The following DNAH6 variants were observed in gnomAD, a reference collection of about 807,000 sequenced individuals.
The protein encoded by DNAH6 is dynein axonemal heavy chain 6.
Under a neutral mutation model 491.4 loss-of-function variants are expected in DNAH6, and 340 were observed. The ratio of observed to expected loss-of-function variants is 0.69; its 90% CI spans 0.63 to 0.76. DNAH6 has a LOEUF of 0.76. Ranked by LOEUF, DNAH6 falls within the 30% of genes least tolerant of loss-of-function variation. DNAH6 has a pLI of 0.00. For missense variants in DNAH6, 4,443 were observed against 4,972.2 expected (o/e 0.89, Z 3.20); for synonymous variants, 1,603 against 1,686.1 (o/e 0.95, Z 1.21).
intron 64 of DNAH6, among the ~76,000 whole-genome samples, chr2:84,765,231 T>C (rs1284489789): frequency 6.6e-6 from 1 of 152,000 alleles, no homozygotes; most frequent in East Asian, 1.9e-4. Flanking sequence ...GAAGTGACCT[T>C]GGGAGTGGAG....
intron 11 of DNAH6, among the ~76,000 whole-genome samples, chr2:84,559,712 C>T (rs1424155565): frequency 6.6e-6 from 1 of 152,068 alleles, no homozygotes; most frequent in East Asian, 1.9e-4. Context: ...AAATTAACTA[C>T]ATGCAAGTCT....
chr2:84,765,110 T>G lies in DNAH6; in HGVS notation c.10703+2165T>G, dbSNP rs567213216. Among the ~76,000 whole-genome samples the G allele has an allele frequency of 2.0e-5, 3 of 152,212 alleles. No individual in the cohort carries two copies. The East Asian group carries it at 5.8e-4, about 29-fold the overall frequency. On this transcript the variant is annotated intron_variant, in intron 64 of 76. Transcript: ENST00000389394. ...GAACTTAAATATTCAAGAAGTAGAA[T>G]AAAATATGTAAAATTATTAAACAAG...
At chr2:84,516,948 G>A (rs11897463) in intron 1 of DNAH6, among the ~76,000 whole-genome samples, 13,973 of 152,180 alleles carry the variant, frequency 0.092, 1,612 homozygotes, top group African/African-American at 0.28. Context: ...TTTATACTGT[G>A]TGTTCAAATG....
rs1293663110 is a variant in DNAH6 at position 84,688,602 on chromosome 2, C to A, written c.7292+9C>A. 6.6e-7 allele frequency: 1 copy of A among 1,516,518 alleles called. No homozygotes were observed. 93.9% of individuals were successfully genotyped at this position (1,516,518 alleles called of 1,614,324 possible). A position where few individuals can be genotyped will look rare whatever the true frequency, so the allele number is the denominator to read the frequency against. On this transcript the variant is annotated intron_variant, in intron 45 of 76. Transcript: ENST00000389394. ...ATAGAACATGTTTCAAGGTATAGTGCTATAAGGCGCCCAATAATGCATTGA... is the reference window on the plus strand; with the variant it reads ...ATAGAACATGTTTCAAGGTATAGTGATATAAGGCGCCCAATAATGCATTGA...
intron 49 of DNAH6, among the ~76,000 whole-genome samples, chr2:84,701,829 G>C (rs1022909961): frequency 1.3e-5 from 2 of 152,176 alleles, no homozygotes; most frequent in Admixed American, 1.3e-4. Context: ...CATGAGATTT[G>C]GGTGGGGACA....
intron 72 of DNAH6, 73 bp from the exon 73 acceptor site, chr2:84,812,268 G>C: frequency 7.1e-7 from 1 of 1,400,686 alleles, no homozygotes; most frequent in Non-Finnish European, 9.7e-7. Context: ...AGCCCCTGCT[G>C]TCATTAATGT....
At chr2:84,719,022 G>A (rs754683097) in intron 59 of DNAH6, among the ~76,000 whole-genome samples, 17 of 152,126 alleles carry the variant, frequency 1.1e-4, no homozygotes, top group Non-Finnish European at 2.1e-4. Flanking sequence ...CATTTAAGGA[G>A]TGCATACTAA....
At chr2:84,747,044 T>G (rs58779878) in intron 63 of DNAH6, among the ~76,000 whole-genome samples, 37,680 of 151,838 alleles carry the variant, frequency 0.25, 5,197 homozygotes, top group African/African-American at 0.4. Flanking sequence ...CTCCCACTAA[T>G]CCCTACTTTC....
chr2:84,702,578 T>A (rs1333753416), intron 49 of DNAH6, among the ~76,000 whole-genome samples: 2 of 149,898 alleles, frequency 1.3e-5, no homozygotes, highest in African/African-American at 4.9e-5. Flanking sequence ...AGTCTCGCTC[T>A]GTCACCCAGG....
chr2:84,685,309 C>G lies in DNAH6; in HGVS notation c.6917-17C>G, dbSNP rs1558907309. On this transcript the variant is annotated splice_polypyrimidine_tract_variant and intron_variant, in intron 42 of 76. Coordinates refer to ENST00000389394, the MANE Select transcript of DNAH6 (RefSeq NM_001370.2). ...TGTAGAATTTTTCTTTTTTTTTTTC[C>G]TTTTCTTAAAAAACAGGTATCCTCC... is the stretch of plus-strand genomic sequence containing the variant. 1 of 1,396,262 alleles carries G rather than the reference C, an allele frequency of 7.2e-7. No individual in the cohort carries two copies. Among genetic ancestry groups the G allele is most frequent in the Non-Finnish European group, 9.4e-7 (1 of 1,059,060 alleles). 86.5% of individuals were successfully genotyped at this position (1,396,262 alleles called of 1,614,324 possible).
chr2:84,695,800 T>C (rs1695326703), intron 46 of DNAH6, among the ~76,000 whole-genome samples: 1 of 152,062 alleles, frequency 6.6e-6, no homozygotes, highest in Non-Finnish European at 1.5e-5. Context: ...CTGATAGTGC[T>C]TTTAACATTG....
At chr2:84,794,056 G>A (rs1278522852) in intron 68 of DNAH6, among the ~76,000 whole-genome samples, 1 of 152,068 alleles carries the variant, frequency 6.6e-6, no homozygotes, top group Non-Finnish European at 1.5e-5. Flanking sequence ...TGACAAACCT[G>A]AGAAAAACAA....
At chr2:84,545,040 C>T (rs1259844067) in intron 5 of DNAH6, among the ~76,000 whole-genome samples, 1 of 152,106 alleles carries the variant, frequency 6.6e-6, no homozygotes, top group Non-Finnish European at 1.5e-5. Flanking sequence ...TTTATAATTT[C>T]TATCTATTGA....
chr2:84,586,520 A>G lies in DNAH6; in HGVS notation c.2481+2270A>G, dbSNP rs73945141. On this transcript the variant is annotated intron_variant, in intron 15 of 76. Transcript: ENST00000389394. Reference sequence around the variant, plus strand: ...TTGTGGATGTAGTTTATTCATGTTTATTGCTATGTAGTGTTTTATTGTATT... The same window carrying G: ...TTGTGGATGTAGTTTATTCATGTTTGTTGCTATGTAGTGTTTTATTGTATT... Among the ~76,000 whole-genome samples, 1,108 of 152,204 alleles carry G rather than the reference A, an allele frequency of 7.3e-3. 15 individuals carry two copies. The highest frequency in any genetic ancestry group is 0.026 in the African/African-American group (1,079 of 41,528).
At position 84,669,319 on chromosome 2, in the gene DNAH6, C is replaced by T; in HGVS notation, c.6115C>T (p.His2039Tyr). The change falls in exon 38 of 77, where the codon CAT (histidine) becomes TAT (tyrosine). Residue 2039 changes from histidine to tyrosine, a missense_variant. This residue lies in a region of DNAH6 where 2,977 missense variants were observed against 3,296.6 expected (regional missense o/e 0.90). Coordinates refer to ENST00000389394, the MANE Select transcript of DNAH6 (RefSeq NM_001370.2). ...CAATTCTGGTGATCTGTGGAGCATT[C>T]ATATGGACTTTGACACCAAACGGCT... Reference protein sequence around the residue: ...LPNSGDLWSIHMDFDTKRLDP... With the variant: ...LPNSGDLWSIYMDFDTKRLDP... The T allele has an allele frequency of 6.5e-7, 1 of 1,550,050 alleles. No homozygotes were observed. The highest frequency in any genetic ancestry group is 8.7e-7 in the Non-Finnish European group (1 of 1,145,536).
intron 31 of DNAH6, among the ~76,000 whole-genome samples, chr2:84,638,361 A>G (rs1191747664): frequency 6.6e-6 from 1 of 152,088 alleles, no homozygotes; most frequent in Non-Finnish European, 1.5e-5. Context: ...TAATTTATAC[A>G]CAATAAAGAG....
rs181967101 is a variant in DNAH6, at chr2:84,590,450, G to A, written c.2610+1496G>A. 8.7e-4 allele frequency among the ~76,000 whole-genome samples: 127 copies of A among 145,950 alleles called. 1 individual carries two copies. Among genetic ancestry groups the A allele is most frequent in the African/African-American group, 2.6e-3 (105 of 39,880 alleles). ...GTGGAGGTTGCAGTGAGCCGAGATC[G>A]TGCCACCGCACTCCAGCCTGGGTGA... is the stretch of plus-strand genomic sequence containing the variant. On this transcript the variant is annotated intron_variant, in intron 16 of 76. Transcript: ENST00000389394.
intron 17 of DNAH6, 40 bp downstream of exon 17, chr2:84,594,125 A>G (rs1684357033): frequency 9.3e-6 from 10 of 1,074,694 alleles, no homozygotes; most frequent in South Asian, 1.5e-5. Context: ...TTATTTTTGT[A>G]TGAATTAATC....
At chr2:84,705,815 T>C in intron 52 of DNAH6, 68 bp downstream of exon 52, 1 of 1,469,722 alleles carries the variant, frequency 6.8e-7, no homozygotes, top group Non-Finnish European at 9.1e-7. Context: ...TCAAGTTCTC[T>C]GTATAATGTT....
Sources: gnomAD v4.1 joint callset for allele counts (sites outside exome capture counted in the v4.1 genomes callset) on GRCh38, gnomAD v4.1.1 for gene constraint, gnomAD v4.1.1 regional missense constraint, MANE v1.5 for transcripts, NCBI Gene and HGNC (gene_info 2026-07-23, HGNC 2026-07-21) for gene names.